The following MYO3A variants were observed in gnomAD, a reference collection of about 807,000 sequenced individuals.
MYO3A encodes the protein myosin-IIIa.
In MYO3A, 180 loss-of-function variants were observed where a neutral mutation model predicts 192.7. That is an observed-to-expected ratio of 0.93 (90% CI 0.83 to 1.06). The LOEUF is 1.06. Among genes scored for constraint, MYO3A ranks in the 50% least tolerant of loss-of-function variants. The pLI, the probability that MYO3A is intolerant of heterozygous loss-of-function variation, is 0.00. For missense variants in MYO3A, 1,896 were observed against 1,905.0 expected (o/e 1.00, Z 0.09); for synonymous variants, 628 against 645.3 (o/e 0.97, Z 0.41).
Position 26,157,341 on chromosome 10 carries a change from T to G in MYO3A, c.2825T>G (p.Val942Gly). Residue 942 changes from valine (V) to glycine (G), a missense_variant, in exon 26 of 35, where the codon GTG becomes GGG. Val to Gly is a moderately radical substitution (Grantham distance 109, BLOSUM62 -3). Transcript: ENST00000642920. Reference protein sequence around the residue: ...YSLMDLLSKMVVGQPHFVRCI... With the variant: ...YSLMDLLSKMGVGQPHFVRCI... ...CTGATGGATTTGTTGTCTAAAATGG[T>G]GGTGGGCCAACCTCATTTTGTCCGT... 1.2e-6 allele frequency: 2 copies of G among 1,614,120 alleles called. No individual in the cohort carries two copies. The highest frequency in any genetic ancestry group is 1.7e-6 in the Non-Finnish European group (2 of 1,179,998).
intron 6 of MYO3A, among the ~76,000 whole-genome samples, chr10:26,003,312 AT>A (rs1172776144): frequency 6.6e-6 from 1 of 152,230 alleles, no homozygotes; most frequent in Non-Finnish European, 1.5e-5. Flanking sequence ...TAGTTGCTAA[AT>A]AATGAAAATC....
intron 14 of MYO3A, among the ~76,000 whole-genome samples, chr10:26,087,866 G>A (rs1343796346): frequency 6.6e-6 from 1 of 152,216 alleles, no homozygotes; most frequent in African/African-American, 2.4e-5. Flanking sequence ...CTATTTGGAT[G>A]GGGGCCCACG....
chr10:26,036,398 A>T (rs1230580110), intron 10 of MYO3A, among the ~76,000 whole-genome samples: 1 of 152,086 alleles, frequency 6.6e-6, no homozygotes. Flanking sequence ...CAACATAGTG[A>T]TGTTTTCATT....
intron 4 of MYO3A, among the ~76,000 whole-genome samples, chr10:25,982,777 C>T (rs1237350494): frequency 6.6e-6 from 1 of 152,038 alleles, no homozygotes; most frequent in African/African-American, 2.4e-5. Context: ...CCCTGTGGGA[C>T]AAAAAAATCT....
chr10:26,142,170 T>C (rs1840203091), intron 20 of MYO3A, among the ~76,000 whole-genome samples: 1 of 152,210 alleles, frequency 6.6e-6, no homozygotes, highest in Admixed American at 6.5e-5. Context: ...TATATTAAAA[T>C]AACAATGAAA....
chr10:26,026,336 T>G, intron 9 of MYO3A, 41 bp from the exon 10 acceptor site: 2 of 1,608,866 alleles, frequency 1.2e-6, no homozygotes, highest in Non-Finnish European at 1.7e-6. Flanking sequence ...TTCAAAACTC[T>G]AACTTATCTA....
At chr10:26,067,284 C>G (rs558574026) in intron 11 of MYO3A, among the ~76,000 whole-genome samples, 3 of 152,302 alleles carry the variant, frequency 2.0e-5, no homozygotes, top group Non-Finnish European at 4.4e-5. Context: ...CAGTTTTAAT[C>G]TATATAACTC....
intron 15 of MYO3A, among the ~76,000 whole-genome samples, chr10:26,095,002 T>C (rs1379395527): frequency 6.6e-6 from 1 of 152,140 alleles, no homozygotes; most frequent in Non-Finnish European, 1.5e-5. Context: ...CCCCTAAGTT[T>C]GCAGATAAAG....
At chr10:26,156,397 A>AT (rs2131927316) in intron 25 of MYO3A, among the ~76,000 whole-genome samples, 1 of 152,268 alleles carries the variant, frequency 6.6e-6, no homozygotes, top group East Asian at 1.9e-4. Flanking sequence ...GGTCTTTGAG[A>AT]TACTCGCTTT....
At chr10:26,057,738 TA>T (rs1564503768) in intron 10 of MYO3A, among the ~76,000 whole-genome samples, 1 of 152,200 alleles carries the variant, frequency 6.6e-6, no homozygotes, top group Non-Finnish European at 1.5e-5. Context: ...TTGGATCTAT[TA>T]GTCAGTGCCC....
At chr10:26,067,442 TCAAAGAG>T (rs1297170631) in intron 11 of MYO3A, among the ~76,000 whole-genome samples, 2 of 152,182 alleles carry the variant, frequency 1.3e-5, no homozygotes, top group African/African-American at 4.8e-5. Context: ...TTTATTGTAT[TCAAAGAG>T]CAGTCAGCCT....
chr10:26,196,938 A>G (rs928688466), intron 32 of MYO3A, among the ~76,000 whole-genome samples: 2 of 152,220 alleles, frequency 1.3e-5, no homozygotes, highest in Admixed American at 1.3e-4. Context: ...CTTTGTTAGG[A>G]ACATCTCAAT....
intron 17 of MYO3A, among the ~76,000 whole-genome samples, chr10:26,113,670 C>T (rs576126157): frequency 1.6e-4 from 24 of 152,026 alleles, no homozygotes; most frequent in African/African-American, 2.9e-4. Context: ...AACTAAATGA[C>T]GCAGCCAAGG....
intron 17 of MYO3A, among the ~76,000 whole-genome samples, chr10:26,119,482 A>T (rs918698175): frequency 2.0e-5 from 3 of 152,146 alleles, no homozygotes; most frequent in Non-Finnish European, 1.5e-5. Flanking sequence ...TTTGTTGTTT[A>T]TGTATTTATT....
intron 32 of MYO3A, among the ~76,000 whole-genome samples, chr10:26,194,055 A>G (rs16926655): frequency 6.6e-6 from 1 of 152,072 alleles, no homozygotes; most frequent in African/African-American, 2.4e-5. Context: ...GTGATCCATC[A>G]GTGGCTCTAA....
At chr10:26,009,535 G>T (rs1841484312) in intron 6 of MYO3A, among the ~76,000 whole-genome samples, 1 of 152,192 alleles carries the variant, frequency 6.6e-6, no homozygotes, top group Non-Finnish European at 1.5e-5. Context: ...TGGAGAAACA[G>T]TCTCTTCTCC....
chr10:26,154,903 C>G, intron 25 of MYO3A, 80 bp downstream of exon 25: 1 of 1,157,524 alleles, frequency 8.6e-7, no homozygotes, highest in Non-Finnish European at 1.3e-6. Context: ...GCCAGTAACA[C>G]TAGCAAAGAG....
rs1309203877 is a variant in MYO3A, at chr10:26,190,782, ATTTGACATTAAT to A, written c.4439-2419_4439-2408del. On this transcript the variant is annotated intron_variant, in intron 31 of 34. Coordinates refer to ENST00000642920, the MANE Select transcript of MYO3A (RefSeq NM_017433.5). ...TGGTGAAATGCACCCTTCACCTTCT[ATTTGACATTAAT>A]TTTAATGTCAAAAACTGCAATTCCC... 3.3e-5 allele frequency among the ~76,000 whole-genome samples: 5 copies of A among 152,210 alleles called. No individual in the cohort carries two copies. In the East Asian group the frequency reaches 9.6e-4, roughly 29 times the overall value.
At chr10:26,182,557 A>G (rs1842662589) in intron 31 of MYO3A, among the ~76,000 whole-genome samples, 1 of 152,256 alleles carries the variant, frequency 6.6e-6, no homozygotes, top group Admixed American at 6.5e-5. Flanking sequence ...TAACAGGCCA[A>G]TCTAAGAAAA....
Sources: allele counts gnomAD v4.1 joint callset (sites outside exome capture counted in the v4.1 genomes callset), GRCh38; gene constraint gnomAD v4.1.1; transcripts MANE v1.5; gene names NCBI Gene and HGNC (gene_info 2026-07-23, HGNC 2026-07-21).